Variants in DYNC2I1 observed in about 807,000 individuals in gnomAD.
The protein encoded by DYNC2I1 is dynein 2 intermediate chain 1.
A neutral mutation model predicts 133.4 loss-of-function variants in DYNC2I1; 89 were observed. That is an observed-to-expected ratio of 0.67 (90% CI 0.56 to 0.80). The LOEUF is 0.80. Ranked by LOEUF, DYNC2I1 falls within the 30% of genes least tolerant of loss-of-function variation. DYNC2I1 has a pLI of 0.00. For missense variants in DYNC2I1, 1,291 were observed against 1,314.5 expected, an observed-to-expected ratio of 0.98 and a Z score of 0.28; for synonymous variants, 504 against 484.3, an observed-to-expected ratio of 1.04 and a Z score of -0.54.
At chr7:158,881,391 G>A (rs1183582062) in intron 5 of DYNC2I1, among the ~76,000 whole-genome samples, 1 of 152,178 alleles carries the variant, frequency 6.6e-6, no homozygotes, top group South Asian at 2.1e-4. Context: ...GGTTAGTTGA[G>A]GCGGTCACTG....
chr7:158,957,429 A>G (rs1852225562), downstream of DYNC2I1, among the ~76,000 whole-genome samples: 2 of 152,228 alleles, frequency 1.3e-5, no homozygotes, highest in African/African-American at 4.8e-5. Flanking sequence ...CATTAGAAAT[A>G]TAGACTTACA....
downstream of DYNC2I1, among the ~76,000 whole-genome samples, chr7:158,949,857 C>T (rs192340166): frequency 6.5e-3 from 996 of 152,168 alleles, 13 homozygotes; most frequent in African/African-American, 0.023. Flanking sequence ...CCGCAACCTC[C>T]GCCTCCCAGG....
Position 158,871,515 on chromosome 7 carries a change from C to T in DYNC2I1, c.443C>T (p.Thr148Ile). The T allele has an allele frequency of 6.5e-7, 1 of 1,545,864 alleles. No individual in the cohort carries two copies. Among genetic ancestry groups the T allele is most frequent in the South Asian group, 1.2e-5 (1 of 84,000 alleles). The change falls in exon 3 of 25, where the codon ACA becomes ATA. Residue 148 changes from threonine to isoleucine, a missense_variant. Thr to Ile is a moderately conservative substitution (Grantham distance 89). Coordinates refer to ENST00000407559, the MANE Select transcript of DYNC2I1 (RefSeq NM_018051.5). Reference sequence around the variant, plus strand: ...CACCACAACCTGCTGGGCCAGGAGACACGCGACCGGCAGCTCCTGGAGCGG... The same window carrying T: ...CACCACAACCTGCTGGGCCAGGAGATACGCGACCGGCAGCTCCTGGAGCGG... ...VAHHNLLGQE[T>I]RDRQLLERAE...
At chr7:158,956,417 G>T (rs62477970) in intron 4 of DYNC2I1, among the ~76,000 whole-genome samples, 3,523 of 152,312 alleles carry the variant, frequency 0.023, 47 homozygotes, top group South Asian at 0.053. Flanking sequence ...CAGTTAAAGC[G>T]GCAGCGGAGA....
the DYNC2I1 span, among the ~76,000 whole-genome samples, chr7:158,841,032 C>A: frequency 2.2e-4 from 33 of 151,916 alleles, no homozygotes; most frequent in South Asian, 6.7e-3. Context: ...AAATTTTAAT[C>A]TTTGTATCAC....
chr7:158,879,719 G>A lies in DYNC2I1; in HGVS notation c.609G>A (p.Lys203=), dbSNP rs760059618. 1.4e-5 allele frequency: 23 copies of A among 1,597,414 alleles called. No homozygotes were observed. Among genetic ancestry groups the A allele is most frequent in the African/African-American group, 4.1e-5 (3 of 72,938 alleles). ...GAGACAGCAAGGACAACCCTCTCAA[G>A]TACTGGCTTTATAAAGAAGAAGGCG... ...QYGDSKDNPL[K]YWLYKEEGER... The change falls in exon 5 of 25, where the codon AAG becomes AAA. Residue 203 remains lysine (K), a synonymous_variant. Transcript: ENST00000407559.
chr7:158,860,746 T>C (rs556315534), intron 1 of DYNC2I1, among the ~76,000 whole-genome samples: 82 of 152,366 alleles, frequency 5.4e-4, no homozygotes, highest in African/African-American at 1.9e-3. Context: ...GCTTGAAAAA[T>C]GTAGACATGT....
At chr7:158,884,692 T>C (rs946381821) in intron 6 of DYNC2I1, 73 bp downstream of exon 6, 79 of 1,520,314 alleles carry the variant, frequency 5.2e-5, no homozygotes, top group Admixed American at 9.3e-5. Flanking sequence ...AATTTTCTTA[T>C]TGGCTCCGAT....
chr7:158,846,405 T>C, the DYNC2I1 span, among the ~76,000 whole-genome samples: 2 of 152,166 alleles, frequency 1.3e-5, no homozygotes, highest in Non-Finnish European at 2.9e-5. Context: ...TATGGTGAAT[T>C]TTTGTCCTAA....
chr7:158,922,550 G>A lies in DYNC2I1; in HGVS notation c.2094+1G>A. ...GAAAGTTCTGATATGTGAGTCCCAG[G>A]TACAGCTCAGGATGAGAGTCGCACG... On this transcript the variant is annotated splice_donor_variant, in intron 16 of 24. Coordinates refer to ENST00000407559, the MANE Select transcript of DYNC2I1 (RefSeq NM_018051.5). LOFTEE classifies it high-confidence loss of function. The A allele has an allele frequency of 6.2e-7, 1 of 1,613,250 alleles. No homozygotes were observed. The highest frequency in any genetic ancestry group is 8.5e-7 in the Non-Finnish European group (1 of 1,179,600).
At position 158,859,589 on chromosome 7, in the gene DYNC2I1, A is replaced by G. The variant is rs1287260974; in HGVS notation, c.15+2839A>G. 2.6e-5 allele frequency among the ~76,000 whole-genome samples: 4 copies of G among 151,952 alleles called. No homozygotes were observed. In the East Asian group the frequency reaches 7.7e-4, roughly 29 times the overall value. ...GTGATCTCAGCTCACTGCAACCGCC[A>G]CCTCCCAGGTTAAAGCGGTCCTCCT... On this transcript the variant is annotated intron_variant, in intron 1 of 24. Transcript: ENST00000407559.
intron 1 of DYNC2I1, among the ~76,000 whole-genome samples, chr7:158,866,078 T>A (rs1431148510): frequency 6.8e-6 from 1 of 146,800 alleles, no homozygotes. Context: ...TCAGGGTTTT[T>A]AACTTTGTCA....
chr7:158,918,935 CTG>C lies in DYNC2I1; in HGVS notation c.1921+68_1921+69del, dbSNP rs891653606. The C allele has an allele frequency of 4.8e-5, 72 of 1,495,630 alleles. No homozygotes were observed. In the African/African-American group the frequency reaches 9.8e-4, roughly 20 times the overall value. The allele number at this position is 1,495,630 out of a possible 1,614,324, so 92.6% of individuals were successfully genotyped here. A position where few individuals can be genotyped will look rare whatever the true frequency, so the allele number is the denominator to read the frequency against. ...TAAACATTCATGTTGAAATAATACT[CTG>C]TAGTATAATATTTTATTTTAATGTG... On this transcript the variant is annotated intron_variant, in intron 15 of 24. Transcript: ENST00000407559.
At chr7:158,937,071 G>C (rs1850832442) in intron 23 of DYNC2I1, among the ~76,000 whole-genome samples, 1 of 152,158 alleles carries the variant, frequency 6.6e-6, no homozygotes, top group South Asian at 2.1e-4. Flanking sequence ...ACCTAATGAG[G>C]CAGTGATTTG....
intron 23 of DYNC2I1, among the ~76,000 whole-genome samples, chr7:158,941,575 C>T (rs946055145): frequency 6.6e-6 from 1 of 152,078 alleles, no homozygotes; most frequent in African/African-American, 2.4e-5. Flanking sequence ...CTGCTGAGAT[C>T]AAGTTACGAA....
chr7:158,925,425 C>T (rs914045030), intron 17 of DYNC2I1, among the ~76,000 whole-genome samples: 2 of 152,014 alleles, frequency 1.3e-5, no homozygotes, highest in African/African-American at 4.8e-5. Context: ...GATGTGATTC[C>T]ATTTGGAACG....
chr7:158,851,630 A>G (rs1029703574), upstream of DYNC2I1, among the ~76,000 whole-genome samples: 6 of 152,232 alleles, frequency 3.9e-5, no homozygotes, highest in African/African-American at 1.4e-4. Flanking sequence ...TCATCAGGCC[A>G]ACTATAATAA....
chr7:158,890,180 AAACAT>A (rs1160594841), intron 7 of DYNC2I1, among the ~76,000 whole-genome samples: 1 of 152,288 alleles, frequency 6.6e-6, no homozygotes, highest in East Asian at 1.9e-4. Flanking sequence ...GTCACATTAA[AAACAT>A]ACAGAAGAAA....
At position 158,879,903 on chromosome 7, in the gene DYNC2I1, T is replaced by G; in HGVS notation, c.793T>G (p.Phe265Val). The G allele has an allele frequency of 6.2e-7, 1 of 1,613,012 alleles. No homozygotes were observed. Among genetic ancestry groups the G allele is most frequent in the Non-Finnish European group, 8.5e-7 (1 of 1,179,682 alleles). ...TAAAGAAAAGCGACACAAAGAAGGT[T>G]TTCATTTTGATGATGAGAGGCACCA... ...RHKEKRHKEG[F>V]HFDDERHQSN... Residue 265 changes from phenylalanine to valine, a missense_variant, in exon 5 of 25, where the codon TTT becomes GTT. Coordinates refer to ENST00000407559, the MANE Select transcript of DYNC2I1 (RefSeq NM_018051.5).
Sources: gnomAD v4.1 joint callset for allele counts (sites outside exome capture counted in the v4.1 genomes callset) on GRCh38, gnomAD v4.1.1 for gene constraint, MANE v1.5 for transcripts, NCBI Gene and HGNC (gene_info 2026-07-23, HGNC 2026-07-21) for gene names.